Variants in NR3C2 observed in about 807,000 individuals in gnomAD.
NR3C2 encodes the protein nuclear receptor subfamily 3 group C member 2.
Under a neutral mutation model 86.4 loss-of-function variants are expected in NR3C2, and 15 were observed. That is an observed-to-expected ratio of 0.17 (90% CI 0.12 to 0.27). The LOEUF (loss-of-function observed/expected upper bound fraction) is 0.27, where lower values mean the gene tolerates loss of function less well. NR3C2 is among the 10% of genes least tolerant of loss of function. NR3C2 has a pLI of 1.00. For missense variants in NR3C2, 960 were observed against 1,195.6 expected (o/e 0.80, Z 2.91); for synonymous variants, 458 against 450.5 (o/e 1.02, Z -0.21).
At chr4:148,107,975 GCA>G (rs1731879594) in intron 8 of NR3C2, among the ~76,000 whole-genome samples, 1 of 151,928 alleles carries the variant, frequency 6.6e-6, no homozygotes, top group Admixed American at 6.6e-5. Context: ...TAACAAACCA[GCA>G]CATTCTGCAC....
At chr4:148,087,355 C>T (rs565467286) in intron 8 of NR3C2, among the ~76,000 whole-genome samples, 31 of 152,238 alleles carry the variant, frequency 2.0e-4, no homozygotes, top group Non-Finnish European at 4.1e-4. Context: ...CTATCCCCAC[C>T]AGCTATCATT....
chr4:148,427,422 A>G (rs1232938039), intron 2 of NR3C2, among the ~76,000 whole-genome samples: 1 of 152,050 alleles, frequency 6.6e-6, no homozygotes. Flanking sequence ...AGGTATCCAC[A>G]GTGAAGAAAG....
chr4:148,317,309 C>A (rs1743242776), intron 2 of NR3C2, among the ~76,000 whole-genome samples: 1 of 149,074 alleles, frequency 6.7e-6, no homozygotes, highest in Non-Finnish European at 1.5e-5. Flanking sequence ...GAGCTGAGAT[C>A]GCACCATTGC....
At chr4:148,352,370 TATC>T (rs1458072416) in intron 2 of NR3C2, among the ~76,000 whole-genome samples, 2 of 141,044 alleles carry the variant, frequency 1.4e-5, no homozygotes, top group African/African-American at 2.6e-5. Flanking sequence ...ATACAACTCC[TATC>T]ATCTATCTAT....
intron 2 of NR3C2, among the ~76,000 whole-genome samples, chr4:148,283,917 G>A (rs371368042): frequency 6.6e-6 from 1 of 152,158 alleles, no homozygotes; most frequent in Admixed American, 6.5e-5. Context: ...CTGAGACTGC[G>A]AGTGATTACC....
At chr4:148,090,217 A>G (rs1475767876) in intron 8 of NR3C2, among the ~76,000 whole-genome samples, 1 of 152,198 alleles carries the variant, frequency 6.6e-6, no homozygotes, top group Non-Finnish European at 1.5e-5. Context: ...GTTCTTTTCT[A>G]CTAAGCAGAA....
chr4:148,350,836 T>G (rs1745236878), intron 2 of NR3C2, among the ~76,000 whole-genome samples: 1 of 152,142 alleles, frequency 6.6e-6, no homozygotes, highest in Non-Finnish European at 1.5e-5. Context: ...ATGAAATAAA[T>G]TAATAGCCCT....
chr4:148,278,533 G>A (rs1047049599), intron 2 of NR3C2, among the ~76,000 whole-genome samples: 1 of 152,056 alleles, frequency 6.6e-6, no homozygotes, highest in Non-Finnish European at 1.5e-5. Context: ...GACTAAATAG[G>A]AATGCATGAC....
At chr4:148,101,778 CTG>C (rs1731549413) in intron 8 of NR3C2, among the ~76,000 whole-genome samples, 1 of 152,176 alleles carries the variant, frequency 6.6e-6, no homozygotes, top group Non-Finnish European at 1.5e-5. Context: ...CACATTCGAA[CTG>C]CTCACTTACA....
chr4:148,350,042 A>G (rs1745195047), intron 2 of NR3C2, among the ~76,000 whole-genome samples: 1 of 152,238 alleles, frequency 6.6e-6, no homozygotes, highest in South Asian at 2.1e-4. Flanking sequence ...ATAAATAAAA[A>G]CAAATGGTGC....
chr4:148,316,641 A>C (rs1743194371), intron 2 of NR3C2, among the ~76,000 whole-genome samples: 1 of 152,202 alleles, frequency 6.6e-6, no homozygotes, highest in Admixed American at 6.5e-5. Flanking sequence ...AATTATGCTC[A>C]GTTATATAGG....
At chr4:148,443,243 AAAAAAAAAAAAG>A (rs1252365067), upstream of NR3C2, among the ~76,000 whole-genome samples, 2 of 142,526 alleles carry the variant, frequency 1.4e-5, no homozygotes, top group South Asian at 2.2e-4. Context: ...AAAAAAAAAA[AAAAAAAAAAAAG>A]AGAGAGAGAG....
In NR3C2 at chr4:148,115,098, A is replaced by T. The variant is rs1196500105; in HGVS notation, c.2642-837T>A. Among the ~76,000 whole-genome samples, 3 of 152,262 alleles carry T rather than the reference A, an allele frequency of 2.0e-5. No homozygotes were observed. The East Asian group carries it at 5.8e-4, about 29-fold the overall frequency. On this transcript the variant is annotated intron_variant, in intron 7 of 8. Transcript: ENST00000358102. ...AAGGCAAAATTTAAAACTTTCAAAGAGAATGAACCATGTTCATCTGTATCT... is the reference window on the plus strand; with the variant it reads ...AAGGCAAAATTTAAAACTTTCAAAGTGAATGAACCATGTTCATCTGTATCT...
intron 4 of NR3C2, among the ~76,000 whole-genome samples, chr4:148,187,006 A>G (rs1227671623): frequency 1.7e-4 from 6 of 34,926 alleles, no homozygotes; most frequent in South Asian, 1.1e-3. Context: ...GTATATATAT[A>G]TATATATATA....
intron 8 of NR3C2, among the ~76,000 whole-genome samples, chr4:148,094,638 C>A (rs946257198): frequency 6.6e-6 from 1 of 151,614 alleles, no homozygotes; most frequent in African/African-American, 2.4e-5. Flanking sequence ...TCGCTTGAAC[C>A]CGGGAGGCGG....
chr4:148,189,072 G>A (rs1475947760), intron 4 of NR3C2, among the ~76,000 whole-genome samples: 4 of 151,884 alleles, frequency 2.6e-5, no homozygotes, highest in African/African-American at 4.8e-5. Flanking sequence ...GAGACTACAG[G>A]TGCGCGCCAC....
At chr4:148,175,842 T>A (rs1054330537) in intron 4 of NR3C2, among the ~76,000 whole-genome samples, 4 of 152,172 alleles carry the variant, frequency 2.6e-5, no homozygotes, top group African/African-American at 9.6e-5. Context: ...TGAAAGAATT[T>A]AAAAAAATTT....
At chr4:148,244,957 C>G (rs935732779) in intron 3 of NR3C2, among the ~76,000 whole-genome samples, 2 of 152,126 alleles carry the variant, frequency 1.3e-5, no homozygotes, top group Non-Finnish European at 2.9e-5. Context: ...ACTGGAAAAG[C>G]TGCCTGTGGA....
At chr4:148,291,265 A>C (rs1230178913) in intron 2 of NR3C2, among the ~76,000 whole-genome samples, 1 of 152,002 alleles carries the variant, frequency 6.6e-6, no homozygotes, top group Non-Finnish European at 1.5e-5. Flanking sequence ...CCATTCCAAG[A>C]AGGTCTTTAC....
Sources: allele counts gnomAD v4.1 joint callset (sites outside exome capture counted in the v4.1 genomes callset), GRCh38; gene constraint gnomAD v4.1.1; transcripts MANE v1.5; gene names NCBI Gene and HGNC (gene_info 2026-07-23, HGNC 2026-07-21).